Variants in CHLSN observed in about 807,000 individuals in gnomAD.
CHLSN encodes the protein cholesin.
chr7:1,115,446 C>T, the CHLSN span, among the ~76,000 whole-genome samples: 4 of 152,330 alleles, frequency 2.6e-5, no homozygotes, highest in South Asian at 2.1e-4. Context: ...CCAGGTCAGA[C>T]GCCATCCACC....
the CHLSN span, among the ~76,000 whole-genome samples, chr7:1,081,755 C>T: frequency 1.0e-5 from 1 of 97,750 alleles, no homozygotes; most frequent in Admixed American, 9.1e-5. Flanking sequence ...CTGCCCACTG[C>T]AGCCTGGGGG....
At chr7:1,050,081 G>A in the CHLSN span, among the ~76,000 whole-genome samples, 4 of 152,354 alleles carry the variant, frequency 2.6e-5, no homozygotes, top group South Asian at 8.3e-4. Flanking sequence ...ACTCTGAACC[G>A]CAAGCACAGG....
At chr7:1,099,165 C>T in the CHLSN span, among the ~76,000 whole-genome samples, 1 of 135,134 alleles carries the variant, frequency 7.4e-6, no homozygotes, top group African/African-American at 2.8e-5. Context: ...CTGTCGCGTT[C>T]CTGCAGCCGG....
chr7:1,095,607 G>A, the CHLSN span, among the ~76,000 whole-genome samples: 6 of 152,318 alleles, frequency 3.9e-5, no homozygotes, highest in African/African-American at 7.2e-5. Context: ...CAGTTCTGAC[G>A]AGCTGACGTG....
At chr7:1,083,583 G>A in the CHLSN span, among the ~76,000 whole-genome samples, 1 of 151,030 alleles carries the variant, frequency 6.6e-6, no homozygotes, top group Non-Finnish European at 1.5e-5. Context: ...AGTGGAGTTC[G>A]CACCACTGCA....
At chr7:1,094,123 C>G in the CHLSN span, among the ~76,000 whole-genome samples, 1 of 152,224 alleles carries the variant, frequency 6.6e-6, no homozygotes, top group Admixed American at 6.5e-5. Flanking sequence ...AGAAGGCTCT[C>G]GGCCGCGTGC....
chr7:1,090,570 C>T, the CHLSN span, among the ~76,000 whole-genome samples: 1 of 147,868 alleles, frequency 6.8e-6, no homozygotes, highest in African/African-American at 2.6e-5. Flanking sequence ...CGGGGTGACA[C>T]GGGGCGGGTG....
chr7:1,100,771 A>T, the CHLSN span, among the ~76,000 whole-genome samples: 8 of 145,868 alleles, frequency 5.5e-5, no homozygotes, highest in African/African-American at 2.0e-4. Context: ...TCTTGTGGTT[A>T]AAAAAAAAAA....
At chr7:992,539 AG>A in the CHLSN span, among the ~76,000 whole-genome samples, 1 of 152,214 alleles carries the variant, frequency 6.6e-6, no homozygotes, top group Non-Finnish European at 1.5e-5. Flanking sequence ...CCACACCCAC[AG>A]GGAACACACA....
the CHLSN span, among the ~76,000 whole-genome samples, chr7:1,068,268 G>A: frequency 5.9e-5 from 9 of 152,238 alleles, no homozygotes; most frequent in South Asian, 2.1e-4. Context: ...CCCCTGGCAC[G>A]GAGGCTGGAA....
At chr7:980,706 G>A in the CHLSN span, among the ~76,000 whole-genome samples, 5 of 47,440 alleles carry the variant, frequency 1.1e-4, no homozygotes, top group South Asian at 2.9e-3. Flanking sequence ...TTTTTTTTTT[G>A]AGATGGAGTC....
At chr7:995,690 G>A in the CHLSN span, among the ~76,000 whole-genome samples, 1 of 152,278 alleles carries the variant, frequency 6.6e-6, no homozygotes, top group East Asian at 1.9e-4. Flanking sequence ...CGGATCGCAG[G>A]CACCGCCTGG....
chr7:1,049,679 C>T, the CHLSN span, among the ~76,000 whole-genome samples: 70 of 152,338 alleles, frequency 4.6e-4, no homozygotes, highest in Non-Finnish European at 9.1e-4. Flanking sequence ...AGGCTTACTA[C>T]GAAGCCCTGT....
chr7:1,097,131 C>A, the CHLSN span, among the ~76,000 whole-genome samples: 4 of 152,208 alleles, frequency 2.6e-5, no homozygotes, highest in Admixed American at 2.6e-4. This position sits in a 1 kb window ranked among gnomAD's most constrained non-coding sequence, Gnocchi z 4.3. Context: ...ACACAGACTA[C>A]GCGAGTACGT....
At chr7:1,010,198 T>G in the CHLSN span, 25 of 1,516,398 alleles carry the variant, frequency 1.6e-5, no homozygotes, top group South Asian at 3.1e-4. Flanking sequence ...CAGAGACGGG[T>G]GCGCTGCCTG....
the CHLSN span, among the ~76,000 whole-genome samples, chr7:1,135,925 A>ATATAAATATATAAG: frequency 1.6e-5 from 2 of 124,760 alleles, no homozygotes; most frequent in Admixed American, 8.8e-5. Context: ...ATATAAGTAT[A>ATATAAATATATAAG]TATAAATATA....
chr7:1,013,689 G>A, the CHLSN span, among the ~76,000 whole-genome samples: 9 of 152,190 alleles, frequency 5.9e-5, no homozygotes, highest in Admixed American at 1.3e-4. Flanking sequence ...CCTCATGGAA[G>A]GAAGCACCGG....
the CHLSN span, among the ~76,000 whole-genome samples, chr7:1,062,339 C>A: frequency 6.6e-6 from 1 of 152,086 alleles, no homozygotes; most frequent in African/African-American, 2.4e-5. Flanking sequence ...GAATAGTAAC[C>A]GTAACAGAAA....
the CHLSN span, among the ~76,000 whole-genome samples, chr7:1,069,325 C>T: frequency 1.3e-5 from 2 of 151,856 alleles, no homozygotes; most frequent in African/African-American, 4.8e-5. Flanking sequence ...AGCGAAACTC[C>T]GTCTCAAAAA....
Sources: allele counts gnomAD v4.1 joint callset (sites outside exome capture counted in the v4.1 genomes callset), GRCh38; gene constraint gnomAD v4.1.1; non-coding constraint Gnocchi (gnomAD v3.1); transcripts MANE v1.5; gene names NCBI Gene and HGNC (gene_info 2026-07-23, HGNC 2026-07-21).